The following PRKCE variants were observed in gnomAD, a reference collection of about 807,000 sequenced individuals.
PRKCE encodes the protein protein kinase C epsilon.
A neutral mutation model predicts 85.4 loss-of-function variants in PRKCE; 16 were observed. The ratio of observed to expected loss-of-function variants is 0.19; its 90% CI spans 0.13 to 0.28. PRKCE has a LOEUF of 0.28. Ranked by LOEUF, PRKCE falls within the 10% of genes least tolerant of loss-of-function variation. The pLI is 1.00. For synonymous variants in PRKCE, 388 were observed against 371.5 expected (o/e 1.04, Z -0.51); for missense variants, 573 against 975.2 (o/e 0.59, Z 5.49).
At chr2:45,954,254 C>T (rs1183380923) in intron 2 of PRKCE, among the ~76,000 whole-genome samples, 1 of 152,262 alleles carries the variant, frequency 6.6e-6, no homozygotes, top group Non-Finnish European at 1.5e-5. Context: ...TATACCCAAG[C>T]CAAATGACAG....
intron 11 of PRKCE, among the ~76,000 whole-genome samples, chr2:46,105,338 G>A (rs971778634): frequency 6.6e-6 from 1 of 151,918 alleles, no homozygotes; most frequent in Non-Finnish European, 1.5e-5. Context: ...CTGAGCCCCT[G>A]TAAAAGCTGC....
chr2:45,697,274 G>A lies in PRKCE; in HGVS notation c.348+44826G>A, dbSNP rs1197542200. The stretch of plus-strand genomic sequence containing the variant: ...CCCACTGGCTGGCCTGGCCCTCCTG[G>A]CTGCCCACATTCTGCTTGGCTCTGG... On this transcript the variant is annotated intron_variant, in intron 1 of 14. Transcript: ENST00000306156. The surrounding 1 kb of genome is among the most constrained non-coding windows in gnomAD (Gnocchi z 4.2). 6.6e-6 allele frequency among the ~76,000 whole-genome samples: 1 copy of A among 152,138 alleles called. No individual in the cohort carries two copies. The highest frequency in any genetic ancestry group is 1.5e-5 in the Non-Finnish European group (1 of 68,026).
At chr2:46,154,459 C>T (rs1322001942) in intron 13 of PRKCE, among the ~76,000 whole-genome samples, 1 of 136,576 alleles carries the variant, frequency 7.3e-6, no homozygotes, top group South Asian at 2.6e-4. Flanking sequence ...CCCGCCCCAC[C>T]CCCCCCAACC....
chr2:45,884,959 A>G (rs1257487566), intron 2 of PRKCE, among the ~76,000 whole-genome samples: 1 of 26,846 alleles, frequency 3.7e-5, no homozygotes, highest in African/African-American at 1.4e-4. Context: ...TGATCCATAT[A>G]TATATATATA....
At chr2:45,901,164 C>G (rs1335539878) in intron 2 of PRKCE, among the ~76,000 whole-genome samples, 1 of 152,198 alleles carries the variant, frequency 6.6e-6, no homozygotes, top group Non-Finnish European at 1.5e-5. Context: ...TACTGGAAAT[C>G]TCATTGAGAT....
chr2:45,757,009 G>A (rs1684060811), intron 1 of PRKCE, among the ~76,000 whole-genome samples: 1 of 152,134 alleles, frequency 6.6e-6, no homozygotes, highest in African/African-American at 2.4e-5. Flanking sequence ...CCAGCACTTT[G>A]GGAGGCCGAG....
intron 10 of PRKCE, among the ~76,000 whole-genome samples, chr2:46,083,331 T>G (rs1333188479): frequency 2.0e-5 from 3 of 152,166 alleles, no homozygotes; most frequent in African/African-American, 7.2e-5. Flanking sequence ...CAGTGAGTGA[T>G]AAAACCGATA....
rs563613380 is a variant in PRKCE at position 45,722,958 on chromosome 2, G to A, written c.348+70510G>A. On this transcript the variant is annotated intron_variant, in intron 1 of 14. Coordinates refer to ENST00000306156, the MANE Select transcript of PRKCE (RefSeq NM_005400.3). ...TCTACTAAAAATACAAAAATTAGCC[G>A]GGTGTGGTGGAGGGGCACCTTAATC... 9.2e-5 allele frequency among the ~76,000 whole-genome samples: 14 copies of A among 152,186 alleles called. No homozygotes were observed. In the South Asian group the frequency reaches 1.9e-3, roughly 20 times the overall value.
At chr2:45,784,371 G>A (rs1469115369) in intron 1 of PRKCE, among the ~76,000 whole-genome samples, 1 of 152,212 alleles carries the variant, frequency 6.6e-6, no homozygotes, top group Non-Finnish European at 1.5e-5. Context: ...AGGAAGAAGT[G>A]GGCTGGCTGT....
chr2:45,803,659 G>A (rs1029382806), intron 1 of PRKCE, among the ~76,000 whole-genome samples: 1 of 152,222 alleles, frequency 6.6e-6, no homozygotes, highest in Admixed American at 6.5e-5. Context: ...GATGTGGACA[G>A]TCAAGGACTT....
intron 14 of PRKCE, among the ~76,000 whole-genome samples, chr2:46,183,061 C>A (rs1051249189): frequency 3.3e-5 from 5 of 152,220 alleles, no homozygotes; most frequent in Non-Finnish European, 5.9e-5. Context: ...CCAGCCTGTT[C>A]TGAGGATCAA....
chr2:46,129,087 C>G (rs556776301), intron 11 of PRKCE, among the ~76,000 whole-genome samples: 53 of 152,312 alleles, frequency 3.5e-4, no homozygotes, highest in Non-Finnish European at 5.3e-4. Context: ...AAGACGTGCA[C>G]CCTCTCTAGG....
intron 1 of PRKCE, among the ~76,000 whole-genome samples, chr2:45,800,354 G>C (rs1219956442): frequency 6.6e-6 from 1 of 152,218 alleles, no homozygotes. Flanking sequence ...CTTCCATAAA[G>C]CCTCATGCTG....
chr2:45,736,648 CA>C (rs1682088617), intron 1 of PRKCE, among the ~76,000 whole-genome samples: 1 of 152,208 alleles, frequency 6.6e-6, no homozygotes, highest in African/African-American at 2.4e-5. Flanking sequence ...TTGTGGTTCG[CA>C]GTGGGGCTAT....
At chr2:46,040,154 A>G (rs1459023982) in intron 10 of PRKCE, among the ~76,000 whole-genome samples, 1 of 152,214 alleles carries the variant, frequency 6.6e-6, no homozygotes, top group Non-Finnish European at 1.5e-5. Flanking sequence ...ACAGAACTGA[A>G]CACAATGTCT....
chr2:45,896,828 A>G (rs1696182605), intron 2 of PRKCE, among the ~76,000 whole-genome samples: 2 of 152,208 alleles, frequency 1.3e-5, no homozygotes, highest in Admixed American at 6.5e-5. Context: ...TCATGCCTGT[A>G]ATCTCAATGC....
At chr2:45,709,471 C>G (rs1410560489) in intron 1 of PRKCE, among the ~76,000 whole-genome samples, 1 of 152,248 alleles carries the variant, frequency 6.6e-6, no homozygotes, top group East Asian at 1.9e-4. Flanking sequence ...TTTGCAGCAG[C>G]TGGGTGTGGA....
chr2:46,065,675 C>T (rs1003557878), intron 10 of PRKCE, among the ~76,000 whole-genome samples: 3 of 152,120 alleles, frequency 2.0e-5, no homozygotes, highest in African/African-American at 7.2e-5. Flanking sequence ...TAATCAAGAT[C>T]TGAGGTCACT....
At chr2:45,716,408 T>C (rs1008112056) in intron 1 of PRKCE, among the ~76,000 whole-genome samples, 2 of 151,974 alleles carry the variant, frequency 1.3e-5, no homozygotes, top group African/African-American at 4.8e-5. Context: ...TCCTAGCTAC[T>C]TGGGAGGCTG....
Sources: gnomAD v4.1 joint callset for allele counts (sites outside exome capture counted in the v4.1 genomes callset) on GRCh38, gnomAD v4.1.1 for gene constraint, Gnocchi (gnomAD v3.1) non-coding constraint, MANE v1.5 for transcripts, NCBI Gene and HGNC (gene_info 2026-07-23, HGNC 2026-07-21) for gene names.